TGIF1: variants seen among roughly 807,000 people sequenced by gnomAD.
The protein encoded by TGIF1 is homeobox protein TGIF1.
In TGIF1, 4 loss-of-function variants were observed where a neutral mutation model predicts 19.3. That is an observed-to-expected ratio of 0.21 (90% CI 0.10 to 0.47). The LOEUF (loss-of-function observed/expected upper bound fraction) is 0.47, where lower values mean the gene tolerates loss of function less well. Ranked by LOEUF, TGIF1 falls within the 20% of genes least tolerant of loss-of-function variation. The pLI is 0.98. For missense variants in TGIF1, 275 were observed against 341.4 expected, an observed-to-expected ratio of 0.81 and a Z score of 1.53; for synonymous variants, 122 against 129.3, an observed-to-expected ratio of 0.94 and a Z score of 0.38.
chr18:3,452,138 C>T, intron 1 of TGIF1: 1 of 1,613,906 alleles, frequency 6.2e-7, no homozygotes, highest in Non-Finnish European at 8.5e-7. Context: ...CCCGACTCTC[C>T]CGCGGCACTT....
At chr18:3,447,842 G>T, upstream of TGIF1, 5 of 1,606,432 alleles carry the variant, frequency 3.1e-6, no homozygotes, top group Non-Finnish European at 3.4e-6. Flanking sequence ...TTCGAAAGAG[G>T]CTTTCAATTG....
At chr18:3,413,969 T>G (rs970352151) in intron 1 of TGIF1, among the ~76,000 whole-genome samples, 8 of 152,198 alleles carry the variant, frequency 5.3e-5, no homozygotes, top group African/African-American at 1.9e-4. Flanking sequence ...ATCCTATAAA[T>G]TAATTATAGT....
At chr18:3,455,447 G>T (rs1460783921) in intron 1 of TGIF1, 2 of 152,110 alleles carry the variant, frequency 1.3e-5, no homozygotes, top group African/African-American at 4.8e-5. Flanking sequence ...TTCCTCTGGG[G>T]CTTGCATATT....
chr18:3,418,190 C>T (rs1244324557), exon 2 of TGIF1: 1 of 152,152 alleles, frequency 6.6e-6, no homozygotes, highest in Non-Finnish European at 1.5e-5. Context: ...TCCACTTCCA[C>T]ATTCCAGCCC....
intron 2 of TGIF1, among the ~76,000 whole-genome samples, chr18:3,423,286 C>T (rs1159748100): frequency 6.6e-6 from 1 of 152,068 alleles, no homozygotes; most frequent in Non-Finnish European, 1.5e-5. Flanking sequence ...GTGGCTCAGG[C>T]CTCTAATCCC....
rs967574594 is a variant in TGIF1 at position 3,456,136 on chromosome 18, G to A, written c.17-218G>A. 8.3e-5 allele frequency: 52 copies of A among 628,398 alleles called. No homozygotes were observed. The highest frequency in any genetic ancestry group is 1.3e-4 in the Non-Finnish European group (46 of 351,472). 38.9% of individuals were successfully genotyped at this position (628,398 alleles called of 1,614,324 possible). ...TAATGAATCCTAGAGGAAAGCGGCTGAGAAAAGGCATCTGGCATTTGGTTG... is the reference window on the plus strand; with the variant it reads ...TAATGAATCCTAGAGGAAAGCGGCTAAGAAAAGGCATCTGGCATTTGGTTG... On this transcript the variant is annotated intron_variant, in intron 1 of 2. Coordinates refer to ENST00000343820, the MANE Select transcript of TGIF1 (RefSeq NM_003244.4). The surrounding 1 kb of genome is among the most constrained non-coding windows in gnomAD (Gnocchi z 4.2).
intron 1 of TGIF1, among the ~76,000 whole-genome samples, chr18:3,412,557 C>A (rs2082284919): frequency 6.6e-6 from 1 of 152,198 alleles, no homozygotes; most frequent in African/African-American, 2.4e-5. Context: ...ACTCTAAATT[C>A]TTTGCACATC....
chr18:3,436,724 C>A (rs184985674), intron 2 of TGIF1, among the ~76,000 whole-genome samples: 3 of 152,068 alleles, frequency 2.0e-5, no homozygotes, highest in Admixed American at 6.6e-5. Context: ...GAGGCTGAGG[C>A]AGGAGAATCT....
Position 3,458,077 on chromosome 18 carries a change from G to A in TGIF1, c.*137G>A, listed in dbSNP as rs1044071985. 2 of 739,588 alleles carry A rather than the reference G, an allele frequency of 2.7e-6. No homozygotes were observed. Among genetic ancestry groups the A allele is most frequent in the African/African-American group, 3.5e-5 (2 of 56,566 alleles). The allele number at this position is 739,588 out of a possible 1,614,324, so 45.8% of individuals were successfully genotyped here. ...TAAAACAGCTTCCTGTTACTGAGAT[G>A]TCTTCAATGGAATACAGTCATTCCA... On this transcript the variant is annotated 3_prime_UTR_variant, in exon 3 of 3. Transcript: ENST00000343820.
At chr18:3,445,774 A>AAAAT (rs2082737530), upstream of TGIF1, among the ~76,000 whole-genome samples, 1 of 139,874 alleles carries the variant, frequency 7.1e-6, no homozygotes, top group African/African-American at 2.6e-5. Flanking sequence ...GCAAAAAAAA[A>AAAAT]AAAAAAAAAA....
rs371274241 is a variant in TGIF1 at position 3,459,359 on chromosome 18, A to G, written c.*1419A>G. 1.3e-5 allele frequency: 2 copies of G among 152,192 alleles called. No individual in the cohort carries two copies. The highest frequency in any genetic ancestry group is 6.5e-5 in the Admixed American group (1 of 15,282). 9.4% of individuals were successfully genotyped at this position (152,192 alleles called of 1,614,324 possible). On this transcript the variant is annotated 3_prime_UTR_variant, in exon 3 of 3. Transcript: ENST00000343820. ...AACTCAAAGACTTTCCTTGTAAGTG[A>G]AAGAAAAAAACTGCTGATGATTACC... is the stretch of plus-strand genomic sequence containing the variant.
chr18:3,416,239 G>C (rs1441644117), intron 1 of TGIF1, among the ~76,000 whole-genome samples: 1 of 152,230 alleles, frequency 6.6e-6, no homozygotes, highest in Non-Finnish European at 1.5e-5. Flanking sequence ...AACATTTGCA[G>C]CTGGGCACAG....
At chr18:3,424,121 G>T (rs1035177386) in intron 2 of TGIF1, among the ~76,000 whole-genome samples, 1 of 152,062 alleles carries the variant, frequency 6.6e-6, no homozygotes, top group African/African-American at 2.4e-5. Flanking sequence ...CTCAAGCTGC[G>T]ACCTAATTAA....
At chr18:3,417,598 CT>C (rs1439539259) in intron 1 of TGIF1, among the ~76,000 whole-genome samples, 1 of 152,124 alleles carries the variant, frequency 6.6e-6, no homozygotes, top group Non-Finnish European at 1.5e-5. Flanking sequence ...ATAACTATAT[CT>C]ATTTTTGTCT....
In TGIF1 at chr18:3,456,055, T is replaced by G. The variant is rs1385935269; in HGVS notation, c.17-299T>G. ...TTCATTTTGGGTGCAGTTTGTCTCC[T>G]CCAATGATTAGACGAAAGAGTTTTC... On this transcript the variant is annotated intron_variant, in intron 1 of 2. Coordinates refer to ENST00000343820, the MANE Select transcript of TGIF1 (RefSeq NM_003244.4). The surrounding 1 kb of genome is among the most constrained non-coding windows in gnomAD (Gnocchi z 4.2). The G allele has an allele frequency of 4.6e-6, 2 of 436,972 alleles. No individual in the cohort carries two copies. Among genetic ancestry groups the G allele is most frequent in the Non-Finnish European group, 8.5e-6 (2 of 234,092 alleles). The allele number at this position is 436,972 out of a possible 1,614,324, so 27.1% of individuals were successfully genotyped here.
intron 2 of TGIF1, among the ~76,000 whole-genome samples, chr18:3,428,852 G>A (rs2082509760): frequency 6.6e-6 from 1 of 151,962 alleles, no homozygotes; most frequent in Non-Finnish European, 1.5e-5. Flanking sequence ...GAACAGCCTG[G>A]GCAACACGGT....
chr18:3,415,336 C>A, intron 1 of TGIF1: 2 of 350,276 alleles, frequency 5.7e-6, no homozygotes, highest in Middle Eastern at 3.9e-4. Flanking sequence ...GAACTGGAAT[C>A]TTATGATGCG....
intron 1 of TGIF1, among the ~76,000 whole-genome samples, chr18:3,413,795 C>T (rs921538208): frequency 6.6e-6 from 1 of 151,980 alleles, no homozygotes; most frequent in Non-Finnish European, 1.5e-5. Flanking sequence ...GAAGATATAT[C>T]GTCAAGGGAA....
At chr18:3,448,015 G>A (rs1406781721), upstream of TGIF1, 1 of 975,068 alleles carries the variant, frequency 1.0e-6, no homozygotes, top group East Asian at 1.1e-4. Context: ...CCACCGCGTG[G>A]CCAAGGAGAA....
Sources: allele counts gnomAD v4.1 joint callset (sites outside exome capture counted in the v4.1 genomes callset), GRCh38; gene constraint gnomAD v4.1.1; non-coding constraint Gnocchi (gnomAD v3.1); transcripts MANE v1.5; gene names NCBI Gene and HGNC (gene_info 2026-07-23, HGNC 2026-07-21).